The following NFATC2 variants were observed in gnomAD, a reference collection of about 807,000 sequenced individuals.
NFATC2 encodes the protein nuclear factor of activated T-cells, cytoplasmic 2.
A neutral mutation model predicts 87.3 loss-of-function variants in NFATC2; 22 were observed. The observed-to-expected ratio is 0.25, with a 90% CI of 0.18 to 0.36. The LOEUF (loss-of-function observed/expected upper bound fraction) is 0.36. Ranked by LOEUF, NFATC2 falls within the 10% of genes least tolerant of loss-of-function variation. The pLI is 1.00. For synonymous variants in NFATC2, 565 were observed against 542.2 expected (o/e 1.04, Z -0.58); for missense variants, 1,149 against 1,259.1 (o/e 0.91, Z 1.32).
intron 5 of NFATC2, among the ~76,000 whole-genome samples, chr20:51,469,025 A>ATT (rs11428690): frequency 0.022 from 3,280 of 148,010 alleles, 65 homozygotes; most frequent in African/African-American, 0.055. Flanking sequence ...GGACATCAGT[A>ATT]TTTTTTTTTT....
At chr20:51,477,007 T>C (rs182740963) in intron 3 of NFATC2, among the ~76,000 whole-genome samples, 128 of 152,240 alleles carry the variant, frequency 8.4e-4, no homozygotes, top group Admixed American at 1.5e-3. Flanking sequence ...ACTACATAAA[T>C]AAACACTCTT....
chr20:51,432,847 C>T lies in NFATC2; in HGVS notation c.2033-91G>A. The T allele has an allele frequency of 8.5e-7, 1 of 1,182,580 alleles. No homozygotes were observed. The highest frequency in any genetic ancestry group is 1.1e-6 in the Non-Finnish European group (1 of 881,264). The allele number at this position is 1,182,580 out of a possible 1,614,324, so 73.3% of individuals were successfully genotyped here. A position where few individuals can be genotyped will look rare whatever the true frequency, so the allele number is the denominator to read the frequency against. ...CGTGGATGGTGCTTGAGAACATGGCCTTGGGAGTCCATACGGGTGGGACAA... is the reference window on the plus strand; with the variant it reads ...CGTGGATGGTGCTTGAGAACATGGCTTTGGGAGTCCATACGGGTGGGACAA... On this transcript the variant is annotated intron_variant, in intron 8 of 10. Coordinates refer to ENST00000371564, the MANE Select transcript of NFATC2 (RefSeq NM_012340.5). The surrounding 1 kb of genome is among the most constrained non-coding windows in gnomAD (Gnocchi z 4.6).
At chr20:51,517,311 TG>T (rs1471430461) in intron 2 of NFATC2, among the ~76,000 whole-genome samples, 2 of 152,136 alleles carry the variant, frequency 1.3e-5, no homozygotes, top group Non-Finnish European at 2.9e-5. Flanking sequence ...GTATTATGGC[TG>T]GGTGTGGTGG....
intron 2 of NFATC2, among the ~76,000 whole-genome samples, chr20:51,522,194 T>A (rs1336479574): frequency 2.0e-5 from 3 of 147,180 alleles, no homozygotes; most frequent in African/African-American, 7.6e-5. Context: ...TCTCATCTAA[T>A]CCATTTTTTA....
intron 6 of NFATC2, among the ~76,000 whole-genome samples, chr20:51,453,672 C>T (rs573083299): frequency 9.9e-5 from 15 of 152,252 alleles, no homozygotes; most frequent in South Asian, 4.2e-4. Flanking sequence ...GAAGAATACA[C>T]GTGGTGAATA....
chr20:51,391,895 C>T (rs1397688177), intron 10 of NFATC2, among the ~76,000 whole-genome samples: 1 of 152,052 alleles, frequency 6.6e-6, no homozygotes, highest in Non-Finnish European at 1.5e-5. Flanking sequence ...GAATGCTTTC[C>T]TATATCATAT....
intron 3 of NFATC2, among the ~76,000 whole-genome samples, chr20:51,514,031 T>G (rs556350248): frequency 6.6e-6 from 1 of 152,370 alleles, no homozygotes; most frequent in African/African-American, 2.4e-5. Context: ...CTACTTGACC[T>G]GTTACCTGCA....
intron 5 of NFATC2, among the ~76,000 whole-genome samples, chr20:51,463,693 C>T (rs1290615324): frequency 2.0e-5 from 3 of 152,318 alleles, no homozygotes; most frequent in East Asian, 1.9e-4. Context: ...ACTCATCCTT[C>T]GGAGCCTCAG....
intron 3 of NFATC2, among the ~76,000 whole-genome samples, chr20:51,501,906 T>C (rs896217938): frequency 3.3e-5 from 5 of 152,246 alleles, no homozygotes; most frequent in African/African-American, 1.2e-4. Context: ...TCACCTCTGC[T>C]GCAGTGGTAC....
rs759029933 is a variant in NFATC2, at chr20:51,523,042, C to T, written c.1160+39G>A. 1 of 1,611,926 alleles carries T rather than the reference C, an allele frequency of 6.2e-7. No individual in the cohort carries two copies. The highest frequency in any genetic ancestry group is 8.5e-7 in the Non-Finnish European group (1 of 1,179,706). ...ATAACCAGAAAACCATCTCTTAAAA[C>T]TAAACCACAGAATCAATCATTTTCA... is the stretch of plus-strand genomic sequence containing the variant. On this transcript the variant is annotated intron_variant, in intron 2 of 10. Transcript: ENST00000371564. This position sits in a 1 kb window ranked among gnomAD's most constrained non-coding sequence, Gnocchi z 6.9.
Position 51,517,620 on chromosome 20 carries a change from C to CA in NFATC2, c.1161-666dup, listed in dbSNP as rs144520801. ...AAAAAAAAAAGAAACAAAACAAAAC[C>CA]AAAAAACAACACAAGGCTGGGTGCA... On this transcript the variant is annotated intron_variant, in intron 2 of 10. Transcript: ENST00000371564. Among the ~76,000 whole-genome samples, 849 of 151,184 alleles carry CA rather than the reference C, an allele frequency of 5.6e-3. 5 individuals are homozygous for CA. The highest frequency in any genetic ancestry group is 0.014 in the Middle Eastern group (4 of 290).
At position 51,389,012 on chromosome 20, in the gene NFATC2, C is replaced by T. The variant is rs1986055645; in HGVS notation, c.*2484G>A. 1 of 152,358 alleles carries T rather than the reference C, an allele frequency of 6.6e-6. No individual in the cohort carries two copies. Among genetic ancestry groups the T allele is most frequent in the South Asian group, 2.1e-4 (1 of 4,830 alleles). The allele number at this position is 152,358 out of a possible 1,614,324, so 9.4% of individuals were successfully genotyped here. A position where few individuals can be genotyped will look rare whatever the true frequency, so the allele number is the denominator to read the frequency against. On this transcript the variant is annotated 3_prime_UTR_variant, in exon 11 of 11. Transcript: ENST00000371564. ...TTGATAGCTGTCAGTTCCTAATACACTTTCTCTTGCCTGTTTATGTCTCAA... is the reference window on the plus strand; with the variant it reads ...TTGATAGCTGTCAGTTCCTAATACATTTTCTCTTGCCTGTTTATGTCTCAA...
rs1250540319 is a variant in NFATC2, at chr20:51,456,624, G to A, written c.1709-1936C>T. 3.3e-5 allele frequency among the ~76,000 whole-genome samples: 5 copies of A among 152,318 alleles called. No individual in the cohort carries two copies. In the East Asian group the frequency reaches 9.6e-4, roughly 29 times the overall value. Reference sequence around the variant, plus strand: ...CTCTCCTTCCAGCGTGGGCCAAGAGGCCAGGCCCGCCCCCTGGGGTGAGTC... The same window carrying A: ...CTCTCCTTCCAGCGTGGGCCAAGAGACCAGGCCCGCCCCCTGGGGTGAGTC... On this transcript the variant is annotated intron_variant, in intron 5 of 10. Coordinates refer to ENST00000371564, the MANE Select transcript of NFATC2 (RefSeq NM_012340.5).
intron 1 of NFATC2, among the ~76,000 whole-genome samples, chr20:51,540,736 G>A (rs921566677): frequency 6.9e-6 from 1 of 144,282 alleles, no homozygotes; most frequent in Admixed American, 7.1e-5. Flanking sequence ...CCACCAAGCA[G>A]CACTTGCCAA....
chr20:51,515,386 A>G (rs956627326), intron 3 of NFATC2, among the ~76,000 whole-genome samples: 30 of 152,224 alleles, frequency 2.0e-4, no homozygotes, highest in African/African-American at 6.5e-4. Flanking sequence ...CCTCAGAGGA[A>G]GGGCTACTCC....
rs201571823 is a variant in NFATC2 at position 51,523,122 on chromosome 20, G to A, written c.1119C>T (p.Pro373=). The stretch of plus-strand genomic sequence containing the variant: ...CAGGCACCAGCGGCTTGGGCCAAGT[G>A]GGCGGAACCAGCAGGATGGATTCTG... ...SAPESILLVP[P]TWPKPLVPAI... The change falls in exon 2 of 11, where the codon CCC becomes CCT. Residue 373 remains proline (P), a synonymous_variant. Coordinates refer to ENST00000371564, the MANE Select transcript of NFATC2 (RefSeq NM_012340.5). The surrounding 1 kb of genome is among the most constrained non-coding windows in gnomAD (Gnocchi z 6.9). The A allele has an allele frequency of 1.1e-5, 17 of 1,614,126 alleles. No homozygotes were observed. The Admixed American group carries it at 2.0e-4, about 19-fold the overall frequency.
chr20:51,398,319 C>T (rs905411148), intron 10 of NFATC2, among the ~76,000 whole-genome samples: 1 of 152,188 alleles, frequency 6.6e-6, no homozygotes, highest in African/African-American at 2.4e-5. Flanking sequence ...ACTGGACACC[C>T]ACAACAAAGT....
chr20:51,559,081 C>T (rs2077001097), intron 1 of NFATC2, among the ~76,000 whole-genome samples: 1 of 152,166 alleles, frequency 6.6e-6, no homozygotes, highest in Admixed American at 6.5e-5. Flanking sequence ...GGAGGGGCTT[C>T]CCTTCCTGGG....
intron 3 of NFATC2, among the ~76,000 whole-genome samples, chr20:51,484,647 G>A (rs4811179): frequency 0.43 from 64,823 of 152,116 alleles, 16,008 homozygotes; most frequent in Admixed American, 0.57. Context: ...CGCCCACACC[G>A]GCTTCTCTCC....
Sources: allele counts gnomAD v4.1 joint callset (sites outside exome capture counted in the v4.1 genomes callset), GRCh38; gene constraint gnomAD v4.1.1; non-coding constraint Gnocchi (gnomAD v3.1); transcripts MANE v1.5; gene names NCBI Gene and HGNC (gene_info 2026-07-23, HGNC 2026-07-21).